Variants in RARB observed in about 807,000 individuals in gnomAD.
RARB encodes retinoic acid receptor beta.
In RARB, 17 loss-of-function variants were observed where a neutral mutation model predicts 51.9. The ratio of observed to expected loss-of-function variants is 0.33; its 90% CI spans 0.22 to 0.49. The LOEUF is 0.49. Ranked by LOEUF, RARB falls within the 20% of genes least tolerant of loss-of-function variation. The probability of loss-of-function intolerance (pLI) is 0.99; values close to 1 mark genes in which losing one functional copy is unlikely to be tolerated. For synonymous variants in RARB, 215 were observed against 195.4 expected (o/e 1.10, Z -0.84); for missense variants, 369 against 550.8 (o/e 0.67, Z 3.30).
At chr3:25,498,069 T>C (rs1697127044) in intron 2 of RARB, among the ~76,000 whole-genome samples, 1 of 152,176 alleles carries the variant, frequency 6.6e-6, no homozygotes, top group African/African-American at 2.4e-5. Flanking sequence ...ATGAGTGAAA[T>C]GACATCTGAT....
At chr3:24,867,087 T>C (rs1702863929) in intron 2 of RARB, among the ~76,000 whole-genome samples, 2 of 152,120 alleles carry the variant, frequency 1.3e-5, no homozygotes, top group Non-Finnish European at 2.9e-5. Context: ...AATAGTGATG[T>C]TATCTGTAGG....
chr3:25,360,714 C>T (rs115962163), intron 5 of RARB, among the ~76,000 whole-genome samples: 1,966 of 147,896 alleles, frequency 0.013, 50 homozygotes, highest in African/African-American at 0.047. Flanking sequence ...GTAAATTTCT[C>T]CTTCACTTCT....
chr3:25,021,249 T>C (rs1018092249), intron 2 of RARB, among the ~76,000 whole-genome samples: 60 of 152,198 alleles, frequency 3.9e-4, no homozygotes, highest in African/African-American at 1.4e-3. Context: ...CCTAAATATG[T>C]ATGTAAGCAT....
chr3:25,456,680 TATAGAGAGAGAGAGAG>T (rs1246611980), intron 1 of RARB, among the ~76,000 whole-genome samples: 7 of 99,970 alleles, frequency 7.0e-5, no homozygotes, highest in African/African-American at 2.9e-4. Context: ...TATATATATA[TATAGAGAGAGAGAGAG>T]AGAGAGAGAG....
chr3:25,224,199 CAACA>C (rs1559512277), intron 5 of RARB, among the ~76,000 whole-genome samples: 1 of 152,096 alleles, frequency 6.6e-6, no homozygotes. Flanking sequence ...TATTAATGCC[CAACA>C]AACAAGCAGT....
chr3:25,075,529 C>T (rs1024607920), intron 3 of RARB, among the ~76,000 whole-genome samples: 4 of 152,206 alleles, frequency 2.6e-5, no homozygotes, highest in Non-Finnish European at 4.4e-5. Flanking sequence ...GAAAATATTT[C>T]CCCCGCTTTC....
At chr3:25,280,869 C>T (rs1274197315) in intron 5 of RARB, among the ~76,000 whole-genome samples, 1 of 152,092 alleles carries the variant, frequency 6.6e-6, no homozygotes, top group Non-Finnish European at 1.5e-5. Context: ...TTTTTGTCCT[C>T]TGCCCCATCT....
At chr3:24,864,560 A>G (rs1575042310) in intron 2 of RARB, among the ~76,000 whole-genome samples, 1 of 152,116 alleles carries the variant, frequency 6.6e-6, no homozygotes. Context: ...TCACTCTCTC[A>G]TATCCAAACT....
intron 5 of RARB, among the ~76,000 whole-genome samples, chr3:25,186,312 G>A (rs1056275498): frequency 6.6e-6 from 1 of 152,078 alleles, no homozygotes; most frequent in East Asian, 1.9e-4. Context: ...TAGAAAGAGT[G>A]TGGATCATCA....
chr3:25,086,090 A>G (rs1311895046), intron 3 of RARB, among the ~76,000 whole-genome samples: 1 of 152,134 alleles, frequency 6.6e-6, no homozygotes, highest in Admixed American at 6.6e-5. Flanking sequence ...CAGATCTCTT[A>G]GTGACAGATA....
chr3:25,379,352 A>T (rs1168629794), intron 5 of RARB, among the ~76,000 whole-genome samples: 4 of 152,202 alleles, frequency 2.6e-5, no homozygotes, highest in African/African-American at 9.6e-5. Context: ...GAAACAAAAA[A>T]AAATTACTAG....
intron 2 of RARB, among the ~76,000 whole-genome samples, chr3:25,014,762 A>G (rs1030297893): frequency 9.9e-5 from 15 of 152,208 alleles, no homozygotes; most frequent in Admixed American, 9.2e-4. Context: ...AGTGAGATGG[A>G]CACTACTAGC....
chr3:25,568,698 G>T (rs998574517), intron 3 of RARB, among the ~76,000 whole-genome samples: 1 of 152,208 alleles, frequency 6.6e-6, no homozygotes, highest in South Asian at 2.1e-4. Context: ...TCTTAGGGCA[G>T]ATCAGATTAT....
intron 2 of RARB, among the ~76,000 whole-genome samples, chr3:24,942,389 T>C (rs1222166318): frequency 2.6e-5 from 4 of 152,142 alleles, no homozygotes; most frequent in African/African-American, 9.7e-5. Flanking sequence ...CTCTAATTCA[T>C]ATGTAAGGAA....
At chr3:25,306,781 T>A (rs934616020) in intron 5 of RARB, among the ~76,000 whole-genome samples, 1 of 152,198 alleles carries the variant, frequency 6.6e-6, no homozygotes, top group Non-Finnish European at 1.5e-5. Flanking sequence ...TTGCATACCA[T>A]TATAATAATG....
At chr3:25,018,133 T>TGGAAG (rs1293126637) in intron 2 of RARB, among the ~76,000 whole-genome samples, 1 of 152,188 alleles carries the variant, frequency 6.6e-6, no homozygotes, top group African/African-American at 2.4e-5. Flanking sequence ...AGAGGTAGAT[T>TGGAAG]GGAAGTTTTA....
chr3:24,870,600 T>G (rs145654456), intron 2 of RARB, among the ~76,000 whole-genome samples: 142 of 152,266 alleles, frequency 9.3e-4, no homozygotes, highest in African/African-American at 2.9e-3. Context: ...AGAAACTAAT[T>G]ATGTTAATCA....
At chr3:25,504,993 G>T (rs1231334137) in intron 3 of RARB, among the ~76,000 whole-genome samples, 1 of 152,054 alleles carries the variant, frequency 6.6e-6, no homozygotes, top group East Asian at 1.9e-4. Context: ...TGGCCAGGCT[G>T]GTCTTGAACT....
intron 5 of RARB, among the ~76,000 whole-genome samples, chr3:25,592,275 A>G (rs1037564269): frequency 1.3e-5 from 2 of 152,218 alleles, no homozygotes; most frequent in Non-Finnish European, 2.9e-5. Flanking sequence ...CATTCACAGG[A>G]CTATACCCAG....
Sources: allele counts gnomAD v4.1 joint callset (sites outside exome capture counted in the v4.1 genomes callset), GRCh38; gene constraint gnomAD v4.1.1; transcripts MANE v1.5; gene names NCBI Gene and HGNC (gene_info 2026-07-23, HGNC 2026-07-21).